MAP3K13: variants seen among roughly 807,000 people sequenced by gnomAD.
The protein encoded by MAP3K13 is leucine zipper-bearing kinase.
MAP3K13 carries 52 observed loss-of-function variants against 104.0 expected under a neutral mutation model. The ratio of observed to expected loss-of-function variants is 0.50; its 90% CI spans 0.40 to 0.63. The LOEUF (loss-of-function observed/expected upper bound fraction) is 0.63. MAP3K13 is among the 20% of genes least tolerant of loss of function. The pLI is 0.00. For synonymous variants in MAP3K13, 394 were observed against 442.2 expected (o/e 0.89, Z 1.37); for missense variants, 914 against 1,218.5 (o/e 0.75, Z 3.72).
At chr3:185,343,794 G>T (rs1359035599) in intron 2 of MAP3K13, among the ~76,000 whole-genome samples, 1 of 152,108 alleles carries the variant, frequency 6.6e-6, no homozygotes, top group East Asian at 1.9e-4. Flanking sequence ...AAAATCAGGA[G>T]GGTAAAAGAT....
At chr3:185,412,387 G>T (rs974916679) in intron 1 of MAP3K13, among the ~76,000 whole-genome samples, 2 of 151,954 alleles carry the variant, frequency 1.3e-5, no homozygotes, top group African/African-American at 4.8e-5. Context: ...GGACAGATGG[G>T]ATTTATCTAG....
rs1410803625 is a variant in MAP3K13 at position 185,472,989 on chromosome 3, G to A, written c.1658G>A (p.Arg553Lys). The change falls in exon 11 of 14, where the codon AGA becomes AAA. Residue 553 changes from arginine (R) to lysine (K), a missense_variant. Arg to Lys is a conservative substitution (Grantham distance 26). Around this residue, in one of 3 missense-constraint regions of MAP3K13, gnomAD observed 583 missense variants for 737.4 expected, o/e 0.79. Coordinates refer to ENST00000265026, the MANE Select transcript of MAP3K13 (RefSeq NM_004721.5). ...TTTCCTCCCAGGCCAGACTTGTTGA[G>A]ATCAGAAGGGATCCCCACCACAGAA... ...GMQTKRPDLL[R>K]SEGIPTTEVA... 2.5e-6 allele frequency: 4 copies of A among 1,614,070 alleles called. No individual in the cohort carries two copies. In the South Asian group the frequency reaches 4.4e-5, roughly 18 times the overall value.
chr3:185,363,249 A>G lies in MAP3K13; in HGVS notation c.-205A>G. 2.0e-6 allele frequency: 2 copies of G among 984,910 alleles called. No individual in the cohort carries two copies. Among genetic ancestry groups the G allele is most frequent in the Non-Finnish European group, 2.4e-6 (2 of 829,838 alleles). 61.0% of individuals were successfully genotyped at this position (984,910 alleles called of 1,614,324 possible). On this transcript the variant is annotated 5_prime_UTR_variant, in exon 1 of 14. Coordinates refer to ENST00000265026, the MANE Select transcript of MAP3K13 (RefSeq NM_004721.5). The stretch of plus-strand genomic sequence containing the variant: ...GGGCTCCTTTGCGGTGGGCTGGAGG[A>G]TTGTGTGGGTGGAATCCCCCTCCCC...
rs1714560210 is a variant in MAP3K13 at position 185,428,599 on chromosome 3, G to A, written c.18G>A (p.Glu6=). 1 of 1,591,768 alleles carries A rather than the reference G, an allele frequency of 6.3e-7. No individual in the cohort carries two copies. Among genetic ancestry groups the A allele is most frequent in the African/African-American group, 1.3e-5 (1 of 74,216 alleles). The part of the protein sequence containing the change: MANFQ[E]HLSCSSSPHL... ...ATGGCACGATGGCCAACTTTCAGGA[G>A]CACCTGAGCTGCTCCTCTTCTCCAC... is the stretch of plus-strand genomic sequence containing the variant. The change falls in exon 2 of 14, where the codon GAG becomes GAA. Residue 6 remains glutamate, a synonymous_variant. Transcript: ENST00000265026.
Position 185,473,814 on chromosome 3 carries a change from A to T in MAP3K13, c.2430+53A>T. ...CGTCACTGCCTTCAAAGAATGCCAG[A>T]GCCTGTCATGTTATACACATTAGAG... On this transcript the variant is annotated intron_variant, in intron 11 of 13. Coordinates refer to ENST00000265026, the MANE Select transcript of MAP3K13 (RefSeq NM_004721.5). The surrounding 1 kb of genome is among the most constrained non-coding windows in gnomAD (Gnocchi z 4.9). 6.5e-7 allele frequency: 1 copy of T among 1,536,216 alleles called. No homozygotes were observed. Among genetic ancestry groups the T allele is most frequent in the Non-Finnish European group, 8.8e-7 (1 of 1,135,068 alleles).
intron 7 of MAP3K13, among the ~76,000 whole-genome samples, chr3:185,458,907 A>G (rs1049979743): frequency 2.0e-5 from 3 of 152,242 alleles, no homozygotes; most frequent in African/African-American, 7.2e-5. Context: ...TGCCAAAGCT[A>G]TAGCTTCATT....
At chr3:185,289,578 A>C (rs1177645543) in intron 2 of MAP3K13, among the ~76,000 whole-genome samples, 1 of 152,144 alleles carries the variant, frequency 6.6e-6, no homozygotes, top group African/African-American at 2.4e-5. Context: ...TGATAGGCTT[A>C]ATTAGCTGGC....
chr3:185,328,193 T>G (rs1722109693), intron 2 of MAP3K13, among the ~76,000 whole-genome samples: 1 of 152,174 alleles, frequency 6.6e-6, no homozygotes, highest in African/African-American at 2.4e-5. Context: ...TACCAAGAAC[T>G]TTCTTTCACT....
In MAP3K13 at chr3:185,457,385, G is replaced by C. The variant is rs949282162; in HGVS notation, c.1278+5990G>C. 7.2e-5 allele frequency among the ~76,000 whole-genome samples: 11 copies of C among 152,330 alleles called. No homozygotes were observed. The East Asian group carries it at 2.1e-3, about 29-fold the overall frequency. The stretch of plus-strand genomic sequence containing the variant: ...GGTGGCTTAGAAACAGCAGAAGTTA[G>C]TCTCACGGTTCTGGAGACTGAGAAG... On this transcript the variant is annotated intron_variant, in intron 7 of 13. Transcript: ENST00000265026.
Position 185,418,324 on chromosome 3 carries a change from A to G in MAP3K13, c.-85-10173A>G. ...GCCTTCAACTTTATCTTCAAATACCAAAGGAAGTTCAGGAACTTCCTCAAT... is the reference window on the plus strand; with the variant it reads ...GCCTTCAACTTTATCTTCAAATACCGAAGGAAGTTCAGGAACTTCCTCAAT... On this transcript the variant is annotated intron_variant, in intron 1 of 13. Transcript: ENST00000265026. The surrounding 1 kb of genome is among the most constrained non-coding windows in gnomAD (Gnocchi z 4.5). 4 of 1,584,684 alleles carry G rather than the reference A, an allele frequency of 2.5e-6. No individual in the cohort carries two copies. The highest frequency in any genetic ancestry group is 3.5e-6 in the Non-Finnish European group (4 of 1,155,004).
Position 185,482,340 on chromosome 3 carries a change from G to A in MAP3K13, c.2800-15G>A. 1 of 1,584,376 alleles carries A rather than the reference G, an allele frequency of 6.3e-7. No homozygotes were observed. Among genetic ancestry groups the A allele is most frequent in the Admixed American group, 1.7e-5 (1 of 59,974 alleles). ...GATTATCGAAATGAATTAAGGTTTT[G>A]TCTTGCCTTTGCAGAACCCCATGCA... On this transcript the variant is annotated splice_polypyrimidine_tract_variant and intron_variant, in intron 13 of 13. Transcript: ENST00000265026. This position sits in a 1 kb window ranked among gnomAD's most constrained non-coding sequence, Gnocchi z 4.5.
intron 1 of MAP3K13, among the ~76,000 whole-genome samples, chr3:185,370,437 C>T (rs543632360): frequency 1.3e-5 from 2 of 148,568 alleles, no homozygotes; most frequent in South Asian, 2.2e-4. Context: ...CTCAAGTGAT[C>T]TGCCTGCCTT....
chr3:185,347,758 C>A (rs1342967995), intron 2 of MAP3K13, among the ~76,000 whole-genome samples: 1 of 152,090 alleles, frequency 6.6e-6, no homozygotes, highest in Non-Finnish European at 1.5e-5. Context: ...CCTGTAATCC[C>A]CGCACTTTGG....
intron 1 of MAP3K13, among the ~76,000 whole-genome samples, chr3:185,368,981 G>A (rs1397619666): frequency 2.0e-5 from 3 of 148,466 alleles, no homozygotes; most frequent in Non-Finnish European, 4.5e-5. Flanking sequence ...AAACCAAGTA[G>A]AATTAGCAAG....
At chr3:185,412,425 C>T (rs1228835320) in intron 1 of MAP3K13, among the ~76,000 whole-genome samples, 1 of 152,012 alleles carries the variant, frequency 6.6e-6, no homozygotes. Flanking sequence ...CAAATTTCAG[C>T]TATATATTGG....
intron 1 of MAP3K13, among the ~76,000 whole-genome samples, chr3:185,283,312 C>T (rs971167006): frequency 3.9e-5 from 6 of 152,012 alleles, no homozygotes; most frequent in African/African-American, 7.3e-5. Context: ...ATCACTGGCG[C>T]TTATGTTGGA....
Position 185,466,942 on chromosome 3 carries a change from A to G in MAP3K13, c.1622A>G (p.Lys541Arg), listed in dbSNP as rs774843759. 11 of 1,613,974 alleles carry G rather than the reference A, an allele frequency of 6.8e-6. No individual in the cohort carries two copies. In the Admixed American group the frequency reaches 1.7e-4, roughly 24 times the overall value. Residue 541 changes from lysine to arginine, a missense_variant, in exon 10 of 14, where the codon AAA becomes AGA. This residue lies in a region of MAP3K13 where 583 missense variants were observed against 737.4 expected (regional missense o/e 0.79). Coordinates refer to ENST00000265026, the MANE Select transcript of MAP3K13 (RefSeq NM_004721.5). ...KLMKRKGVPH[K>R]SGMQTKRPDL... ...ATGAAAAGGAAAGGAGTGCCTCACAAATCTGGGATGCAGACCAAACGGTGA... is the reference window on the plus strand; with the variant it reads ...ATGAAAAGGAAAGGAGTGCCTCACAGATCTGGGATGCAGACCAAACGGTGA...
At chr3:185,284,196 T>A (rs940681768) in intron 1 of MAP3K13, among the ~76,000 whole-genome samples, 3 of 152,124 alleles carry the variant, frequency 2.0e-5, no homozygotes, top group Non-Finnish European at 2.9e-5. Flanking sequence ...CTACTTACAT[T>A]TGAGATGTGA....
At chr3:185,467,212 C>T (rs959389943) in intron 10 of MAP3K13, among the ~76,000 whole-genome samples, 1 of 152,202 alleles carries the variant, frequency 6.6e-6, no homozygotes, top group Admixed American at 6.5e-5. Flanking sequence ...GGGGGCCAGA[C>T]AGACCTGGAT....
Sources: allele counts gnomAD v4.1 joint callset (sites outside exome capture counted in the v4.1 genomes callset), GRCh38; gene constraint gnomAD v4.1.1; regional missense constraint gnomAD v4.1.1; non-coding constraint Gnocchi (gnomAD v3.1); transcripts MANE v1.5; gene names NCBI Gene and HGNC (gene_info 2026-07-23, HGNC 2026-07-21).